The following SCAPER variants were observed in gnomAD, a reference collection of about 807,000 sequenced individuals.
The protein encoded by SCAPER is S-phase cyclin A associated protein in the ER, also known as S phase cyclin A-associated protein in the endoplasmic reticulum.
Under a neutral mutation model 182.2 loss-of-function variants are expected in SCAPER, and 98 were observed. The observed-to-expected ratio is 0.54, with a 90% CI of 0.46 to 0.64. The LOEUF is 0.64. Ranked by LOEUF, SCAPER falls within the 30% of genes least tolerant of loss-of-function variation. The probability of loss-of-function intolerance (pLI) is 0.00; values close to 1 mark genes in which losing one functional copy is unlikely to be tolerated. For missense variants in SCAPER, 1,432 were observed against 1,690.0 expected, an observed-to-expected ratio of 0.85 and a Z score of 2.68; for synonymous variants, 605 against 564.6, an observed-to-expected ratio of 1.07 and a Z score of -1.01.
At chr15:76,432,183 T>G (rs1307535096) in intron 26 of SCAPER, among the ~76,000 whole-genome samples, 1 of 152,162 alleles carries the variant, frequency 6.6e-6, no homozygotes. Flanking sequence ...AGAATGACAT[T>G]CGTCAGCAGA....
At chr15:76,556,424 A>G (rs1477120920) in intron 23 of SCAPER, among the ~76,000 whole-genome samples, 3 of 152,202 alleles carry the variant, frequency 2.0e-5, no homozygotes, top group Non-Finnish European at 4.4e-5. Flanking sequence ...CATACACAAG[A>G]TCAGTAAATT....
At chr15:76,738,812 A>T (rs1433716461) in intron 15 of SCAPER, among the ~76,000 whole-genome samples, 1 of 152,212 alleles carries the variant, frequency 6.6e-6, no homozygotes, top group Non-Finnish European at 1.5e-5. Flanking sequence ...TATAATAATT[A>T]AAAAATCTAA....
At chr15:76,364,457 A>G (rs2141770300) in intron 29 of SCAPER, among the ~76,000 whole-genome samples, 1 of 152,266 alleles carries the variant, frequency 6.6e-6, no homozygotes, top group East Asian at 1.9e-4. Context: ...TAGGCTTTGG[A>G]AATAAGGTGA....
chr15:76,428,096 C>A (rs1383724942), intron 26 of SCAPER, among the ~76,000 whole-genome samples: 3 of 151,720 alleles, frequency 2.0e-5, no homozygotes, highest in African/African-American at 7.3e-5. Flanking sequence ...TCTCAAAAAA[C>A]AAAACAAAAC....
chr15:76,417,081 T>C (rs934732076), intron 26 of SCAPER, among the ~76,000 whole-genome samples: 1 of 151,802 alleles, frequency 6.6e-6, no homozygotes, highest in African/African-American at 2.4e-5. Flanking sequence ...AAATAAAAAA[T>C]AAAGTTTAAA....
chr15:76,820,065 T>C (rs3110385), intron 5 of SCAPER, among the ~76,000 whole-genome samples: 147,685 of 152,110 alleles, frequency 0.97, 71,825 homozygotes, highest in South Asian at 1. Context: ...GTTTGAATGG[T>C]GATCATTAAA....
At chr15:76,800,719 T>C (rs191406279) in intron 6 of SCAPER, among the ~76,000 whole-genome samples, 2 of 152,366 alleles carry the variant, frequency 1.3e-5, no homozygotes, top group Non-Finnish European at 2.9e-5. Flanking sequence ...GCAATGATAC[T>C]ACTTCAATCT....
intron 24 of SCAPER, among the ~76,000 whole-genome samples, chr15:76,480,986 C>T (rs557922519): frequency 1.1e-3 from 160 of 152,320 alleles, no homozygotes; most frequent in Non-Finnish European, 1.5e-3. Context: ...CCGGCTCGGC[C>T]TCCCAAAGTG....
intron 22 of SCAPER, among the ~76,000 whole-genome samples, chr15:76,618,718 T>G (rs910395892): frequency 1.3e-5 from 2 of 152,232 alleles, no homozygotes; most frequent in African/African-American, 4.8e-5. Context: ...ATCAACTTAT[T>G]ACTTGAGAGT....
At chr15:76,704,247 G>A (rs373151011) in intron 18 of SCAPER, among the ~76,000 whole-genome samples, 5 of 152,090 alleles carry the variant, frequency 3.3e-5, no homozygotes, top group East Asian at 1.9e-4. Context: ...AGTAGGTTGC[G>A]AGAATTTTCT....
At chr15:76,691,135 T>G (rs2058332030) in intron 20 of SCAPER, among the ~76,000 whole-genome samples, 1 of 151,982 alleles carries the variant, frequency 6.6e-6, no homozygotes, top group African/African-American at 2.4e-5. Flanking sequence ...AAATAATTAG[T>G]AAATCAGCCA....
In SCAPER at chr15:76,896,039, C is replaced by CA. The variant is rs762065173; in HGVS notation, c.-60+9259dup. 7.0e-3 allele frequency among the ~76,000 whole-genome samples: 722 copies of CA among 103,598 alleles called. 5 individuals carry two copies. The highest frequency in any genetic ancestry group is 0.017 in the African/African-American group (463 of 27,588). 68.0% of individuals were successfully genotyped at this position (103,598 alleles called of 152,430 possible). ...TGGGCAACAGAGCAAGACTCTGTCTCAAAAAAAAAAAAAAAATCCCATTTA... is the reference window on the plus strand; with the variant it reads ...TGGGCAACAGAGCAAGACTCTGTCTCAAAAAAAAAAAAAAAAATCCCATTTA... On this transcript the variant is annotated intron_variant, in intron 1 of 31. Transcript: ENST00000563290.
At chr15:76,828,755 T>C (rs2068214491) in intron 5 of SCAPER, among the ~76,000 whole-genome samples, 2 of 152,236 alleles carry the variant, frequency 1.3e-5, no homozygotes, top group African/African-American at 2.4e-5. Flanking sequence ...CTCCCATAAA[T>C]GCAGAAGTGA....
At chr15:76,778,732 A>AT (rs1190024110) in intron 8 of SCAPER, among the ~76,000 whole-genome samples, 1 of 151,992 alleles carries the variant, frequency 6.6e-6, no homozygotes, top group Non-Finnish European at 1.5e-5. Flanking sequence ...GTTTAAGTAC[A>AT]TTTTTAAGTA....
chr15:76,495,922 G>A (rs1317303771), intron 24 of SCAPER, among the ~76,000 whole-genome samples: 1 of 151,374 alleles, frequency 6.6e-6, no homozygotes, highest in African/African-American at 2.4e-5. Flanking sequence ...GTAGCTGTAG[G>A]ATTAAAGTTC....
At chr15:76,680,025 G>C (rs960850781) in intron 20 of SCAPER, among the ~76,000 whole-genome samples, 1 of 152,084 alleles carries the variant, frequency 6.6e-6, no homozygotes, top group African/African-American at 2.4e-5. Context: ...CTAGTAACAG[G>C]CTTCATCCTT....
chr15:76,815,222 T>C (rs1424939580), intron 5 of SCAPER, among the ~76,000 whole-genome samples: 2 of 152,110 alleles, frequency 1.3e-5, no homozygotes, highest in African/African-American at 2.4e-5. Flanking sequence ...AAATTAAAAA[T>C]ACAACTACCA....
At chr15:76,891,265 A>G (rs897678501) in intron 1 of SCAPER, among the ~76,000 whole-genome samples, 1 of 152,202 alleles carries the variant, frequency 6.6e-6, no homozygotes, top group African/African-American at 2.4e-5. Flanking sequence ...GGCACAAGAC[A>G]AGGATGCCCT....
intron 7 of SCAPER, among the ~76,000 whole-genome samples, chr15:76,799,698 G>A (rs1745126180): frequency 6.6e-6 from 1 of 152,114 alleles, no homozygotes; most frequent in Non-Finnish European, 1.5e-5. Context: ...GCCCACGACG[G>A]CCCAGGCTTT....
Sources: allele counts gnomAD v4.1 joint callset (sites outside exome capture counted in the v4.1 genomes callset), GRCh38; gene constraint gnomAD v4.1.1; transcripts MANE v1.5; gene names NCBI Gene and HGNC (gene_info 2026-07-23, HGNC 2026-07-21).